Variants in MUC4 observed in about 807,000 individuals in gnomAD.
The protein encoded by MUC4 is mucin-4.
MUC4 carries 202 observed loss-of-function variants against 257.9 expected under a neutral mutation model. The observed-to-expected ratio is 0.78, with a 90% CI of 0.70 to 0.88. MUC4 has a LOEUF of 0.88. MUC4 is among the 40% of genes least tolerant of loss of function. The pLI is 0.00. For synonymous variants in MUC4, 2,351 were observed against 2,757.1 expected (o/e 0.85, Z 4.62); for missense variants, 5,976 against 6,513.7 (o/e 0.92, Z 2.84).
chr3:195,767,741 ACCATCGC>A, intron 7 of MUC4, among the ~76,000 whole-genome samples: 1 of 70,514 alleles, frequency 1.4e-5, no homozygotes, highest in African/African-American at 8.2e-5. Context: ...CACCACCATC[ACCATCGC>A]CACCACCACC....
At chr3:195,793,718 T>C (rs757116919) in intron 1 of MUC4, among the ~76,000 whole-genome samples, 2 of 152,168 alleles carry the variant, frequency 1.3e-5, no homozygotes, top group Non-Finnish European at 2.9e-5. Context: ...TTAAACTCCA[T>C]GGGAAGAGGC....
chr3:195,769,799 C>T (rs1233685277), intron 6 of MUC4: 3 of 173,664 alleles, frequency 1.7e-5, no homozygotes, highest in Non-Finnish European at 3.6e-5. Flanking sequence ...AAGCTCCACT[C>T]AGGCCTGGCT....
chr3:195,765,083 G>A lies in MUC4; in HGVS notation c.13838C>T (p.Thr4613Ile). ...GCAGCACACGCCTCCTCGCCAAGAG[G>A]TGAAGCTGCACAGCTGCCTACTGCC... is the stretch of plus-strand genomic sequence containing the variant. Reference protein sequence around the residue: ...GLGSRQLCSFTSWRGGVCCSY... With the variant: ...GLGSRQLCSFISWRGGVCCSY... The change falls in exon 10 of 25, where the codon ACC becomes ATC. Residue 4613 changes from threonine (T) to isoleucine (I), a missense_variant. Physicochemically the swap from Thr to Ile is moderately conservative, Grantham distance 89 (BLOSUM62 -1). Around this residue, in one of 44 missense-constraint regions of MUC4, gnomAD observed 996 missense variants for 1,137.3 expected, o/e 0.88. Transcript: ENST00000463781. 6.2e-7 allele frequency: 1 copy of A among 1,613,782 alleles called. No homozygotes were observed. Among genetic ancestry groups the A allele is most frequent in the Non-Finnish European group, 8.5e-7 (1 of 1,179,870 alleles).
chr3:195,754,947 T>TGTGTGTATCC lies in MUC4; in HGVS notation c.15169-576_15169-575insGGATACACAC, dbSNP rs1560227710. ...ATGCATGTATCCATGTATGTATCCA[T>TGTGTGTATCC]ATGTGTGTATCCATGTGTGTATGTA... is the stretch of plus-strand genomic sequence containing the variant. On this transcript the variant is annotated intron_variant, in intron 18 of 24. Transcript: ENST00000463781. 4.6e-5 allele frequency among the ~76,000 whole-genome samples: 7 copies of TGTGTGTATCC among 152,024 alleles called. No individual in the cohort carries two copies. In the East Asian group the frequency reaches 5.8e-4, roughly 13 times the overall value.
In MUC4 at chr3:195,788,722, T is replaced by G. The variant is rs1400353547; in HGVS notation, c.2858A>C (p.Glu953Ala). The part of the protein sequence containing the change: ...TSTGLTSPQT[E>A]THTLSPSGSG... ...CCCTGAAGGTGACAGAGTGTGGGTC[T>G]CGGTTTGTGGAGATGTAAGCCCAGT... Residue 953 changes from glutamate to alanine, a missense_variant, in exon 2 of 25, where the codon GAG becomes GCG. Glu to Ala is a moderately radical substitution (Grantham distance 107, BLOSUM62 -1). Coordinates refer to ENST00000463781, the MANE Select transcript of MUC4 (RefSeq NM_018406.7). The G allele has an allele frequency of 1.2e-6, 2 of 1,613,330 alleles. No homozygotes were observed. Among genetic ancestry groups the G allele is most frequent in the Non-Finnish European group, 1.7e-6 (2 of 1,179,756 alleles).
chr3:195,781,406 G>T lies in MUC4; in HGVS notation c.10174C>A (p.Pro3392Thr), dbSNP rs761575788. 8 of 1,528,338 alleles carry T rather than the reference G, an allele frequency of 5.2e-6. No individual in the cohort carries two copies. The highest frequency in any genetic ancestry group is 2.4e-5 in the East Asian group (1 of 41,476). The allele number at this position is 1,528,338 out of a possible 1,614,324, so 94.7% of individuals were successfully genotyped here. The change falls in exon 2 of 25, where the codon CCT becomes ACT. Residue 3392 changes from proline to threonine, a missense_variant. By Grantham distance (38) the Pro-to-Thr change is conservative. Transcript: ENST00000463781. ...ISSASTGQAT[P>T]LPVTNTSSVS... is the part of the protein sequence containing the mutation. ...GAGGAAGTGTTGGTGACAGGAAGAG[G>T]GGTGGCCTGACCTGTGGATGCCGAG...
At position 195,789,320 on chromosome 3, in the gene MUC4, G is replaced by A. The variant is rs781420773; in HGVS notation, c.2260C>T (p.Gln754Ter). ...VVSTPGGPEG[Q>*]WTSASASTSP... ...GTGCTGGCAGAGGCTGATGTCCATT[G>A]TCCTTCTGGGCCCCCTGGTGTTGAC... The change falls in exon 2 of 25, where the codon CAA becomes TAA. Residue 754 changes from glutamine (Q) to a stop codon, truncating the protein, a stop_gained. Transcript: ENST00000463781. LOFTEE classifies it high-confidence loss of function. 1 of 1,613,920 alleles carries A rather than the reference G, an allele frequency of 6.2e-7. No homozygotes were observed. Among genetic ancestry groups the A allele is most frequent in the Non-Finnish European group, 8.5e-7 (1 of 1,179,858 alleles).
rs761695169 is a variant in MUC4 at position 195,765,111 on chromosome 3, G to A, written c.13810C>T (p.Leu4604Phe). 3.1e-6 allele frequency: 5 copies of A among 1,612,692 alleles called. No individual in the cohort carries two copies. In the African/African-American group the frequency reaches 6.7e-5, roughly 22 times the overall value. ...AAGCTGCACAGCTGCCTACTGCCGA[G>A]GCCCCAGCGACCTGAAACAAGTCCA... is the stretch of plus-strand genomic sequence containing the variant. ...FQPVSIGRWG[L>F]GSRQLCSFTS... Residue 4604 changes from leucine to phenylalanine, a missense_variant, in exon 10 of 25, where the codon CTC becomes TTC. Transcript: ENST00000463781.
rs151158629 is a variant in MUC4 at position 195,811,749 on chromosome 3, C to T, written c.69G>A (p.Pro23=). 1.9e-5 allele frequency: 30 copies of T among 1,614,002 alleles called. No individual in the cohort carries two copies. Among genetic ancestry groups the T allele is most frequent in the South Asian group, 1.3e-4 (12 of 91,074 alleles). Residue 23 remains proline, a synonymous_variant, in exon 1 of 25, where the codon CCG becomes CCA. Transcript: ENST00000463781. ...TCCATCACTTACCTGGGACCACATG[C>T]GGAAGGAGGCAGAGACACAGGCAGC... The part of the protein sequence containing the change: ...SLSCLCLCLL[P]HVVPGTTEDT...
Position 195,786,957 on chromosome 3 carries a change from G to T in MUC4, c.4623C>A (p.Ser1541Arg), listed in dbSNP as rs778722332. The change falls in exon 2 of 25, where the codon AGC becomes AGA. Residue 1541 changes from serine to arginine, a missense_variant. Physicochemically the swap from Ser to Arg is moderately radical, Grantham distance 110. This residue lies in a region of MUC4 where 63 missense variants were observed against 68.8 expected (regional missense o/e 0.92). Coordinates refer to ENST00000463781, the MANE Select transcript of MUC4 (RefSeq NM_018406.7). ...TGTCACCTGTGGATGCTGAGGAAGG[G>T]CTAGTGACAGGAAGAGGCATGGTGT... ...TGDTMPLPVT[S>R]PSSASTGDTT... is the part of the protein sequence containing the mutation. 2 of 940,914 alleles carry T rather than the reference G, an allele frequency of 2.1e-6. 1 individual carries two copies. Among genetic ancestry groups the T allele is most frequent in the African/African-American group, 3.5e-5 (2 of 57,850 alleles). The allele number at this position is 940,914 out of a possible 1,614,324, so 58.3% of individuals were successfully genotyped here.
At chr3:195,796,495 G>A (rs1451397369) in intron 1 of MUC4, among the ~76,000 whole-genome samples, 1 of 151,524 alleles carries the variant, frequency 6.6e-6, no homozygotes, top group Non-Finnish European at 1.5e-5. Context: ...GGCGGATCAT[G>A]AGGTCAGGAG....
intron 7 of MUC4, 25 bp from the exon 8 acceptor site, chr3:195,766,776 G>A: frequency 6.2e-7 from 1 of 1,606,902 alleles, no homozygotes; most frequent in Non-Finnish European, 8.5e-7. Context: ...AGACTCTCAG[G>A]CCTCTGCCGT....
chr3:195,789,745 G>A lies in MUC4; in HGVS notation c.1835C>T (p.Thr612Met), dbSNP rs192332103. Reference sequence around the variant, plus strand: ...TGTTGAATGATTTGTTGATGGTGCCGTTGTAATTTGTTGGGATGTGTGTCT... The same window carrying A: ...TGTTGAATGATTTGTTGATGGTGCCATTGTAATTTGTTGGGATGTGTGTCT... ...LDRHTSQQIT[T>M]APSTNHSTIH... is the part of the protein sequence containing the mutation. Residue 612 changes from threonine to methionine, a missense_variant, in exon 2 of 25, where the codon ACG (threonine) becomes ATG (methionine). Thr to Met is a moderately conservative substitution (Grantham distance 81). Transcript: ENST00000463781. 1.0e-4 allele frequency: 162 copies of A among 1,613,950 alleles called. No individual in the cohort carries two copies. The highest frequency in any genetic ancestry group is 1.2e-4 in the Admixed American group (7 of 60,028).
In MUC4 at chr3:195,774,228, G is replaced by A. The variant is rs1349070193; in HGVS notation, c.13021C>T (p.Leu4341Phe). 1.2e-6 allele frequency: 2 copies of A among 1,607,858 alleles called. No homozygotes were observed. The highest frequency in any genetic ancestry group is 1.7e-5 in the Admixed American group (1 of 59,238). Reference protein sequence around the residue: ...VRRTVDFTSPLFKPATGFPLG... With the variant: ...VRRTVDFTSPFFKPATGFPLG... ...GGGAAGCCAGTCGCCGGCTTGAAGA[G>A]TGGGGAGGTGAAGTCCACGGTCCTC... is the stretch of plus-strand genomic sequence containing the variant. Residue 4341 changes from leucine (L) to phenylalanine (F), a missense_variant, in exon 4 of 25, where the codon CTC becomes TTC. This residue lies in a region of MUC4 where 233 missense variants were observed against 171.2 expected (regional missense o/e 1.36). Coordinates refer to ENST00000463781, the MANE Select transcript of MUC4 (RefSeq NM_018406.7).
chr3:195,789,173 C>G lies in MUC4; in HGVS notation c.2407G>C (p.Ala803Pro). The G allele has an allele frequency of 6.2e-7, 1 of 1,613,848 alleles. No homozygotes were observed. Among genetic ancestry groups the G allele is most frequent in the Non-Finnish European group, 8.5e-7 (1 of 1,179,854 alleles). ...CTCGCCCCGGATGAGGAAGGGGTAG[C>G]TGTGCCCGCTGAGGTGGTTCGTGAC... ...SGSRTTSAGT[A>P]TPSSSGASGT... Residue 803 changes from alanine (A) to proline (P), a missense_variant, in exon 2 of 25, where the codon GCT becomes CCT. Ala to Pro is a conservative substitution (Grantham distance 27). Transcript: ENST00000463781.
rs777058750 is a variant in MUC4 at position 195,783,894 on chromosome 3, A to T, written c.7686T>A (p.Pro2562=). ...SASTGHATSL[P]VTDTSAASTG... is the part of the protein sequence containing the mutation. The stretch of plus-strand genomic sequence containing the variant: ...TGGATGCTGCGGAAGTGTCGGTGAC[A>T]GGAAGAGAGGTGGCGTGACCTGTGG... Residue 2562 remains proline, a synonymous_variant, in exon 2 of 25, where the codon CCT becomes CCA. Transcript: ENST00000463781. The T allele has an allele frequency of 2.0e-6, 3 of 1,510,162 alleles. No individual in the cohort carries two copies. The highest frequency in any genetic ancestry group is 2.4e-5 in the South Asian group (2 of 82,210). The allele number at this position is 1,510,162 out of a possible 1,614,324, so 93.5% of individuals were successfully genotyped here.
rs376190711 is a variant in MUC4 at position 195,751,068 on chromosome 3, A to G, written c.15692T>C (p.Met5231Thr). 4 of 1,598,194 alleles carry G rather than the reference A, an allele frequency of 2.5e-6. No individual in the cohort carries two copies. Among genetic ancestry groups the G allele is most frequent in the Non-Finnish European group, 3.4e-6 (4 of 1,172,534 alleles). Residue 5231 changes from methionine to threonine, a missense_variant, in exon 23 of 25, where the codon ATG becomes ACG. Physicochemically the swap from Met to Thr is moderately conservative, Grantham distance 81. Around this residue, in one of 44 missense-constraint regions of MUC4, gnomAD observed 996 missense variants for 1,137.3 expected, o/e 0.88. Transcript: ENST00000463781. Reference protein sequence around the residue: ...PASGSPIQHWMVISEFQYRPR... With the variant: ...PASGSPIQHWTVISEFQYRPR... ...GCGGTACTGGAACTCCGAGATGACC[A>G]TCCAGTGTTGGATGGGGCTTCCCGA...
rs1736497337 is a variant in MUC4 at position 195,810,054 on chromosome 3, T to G, written c.82+1682A>C. The G allele has an allele frequency of 1.3e-5, 2 of 150,986 alleles. No individual in the cohort carries two copies. Among genetic ancestry groups the G allele is most frequent in the Admixed American group, 1.3e-4 (2 of 15,184 alleles). 9.4% of individuals were successfully genotyped at this position (150,986 alleles called of 1,614,324 possible). ...AGGGCAGGGCCGTGTGGCGGCTCCT[T>G]CCGGCCTCCACGTCCTCACGGTGGG... On this transcript the variant is annotated intron_variant, in intron 1 of 24. Coordinates refer to ENST00000463781, the MANE Select transcript of MUC4 (RefSeq NM_018406.7). The surrounding 1 kb of genome is among the most constrained non-coding windows in gnomAD (Gnocchi z 4.2).
intron 16 of MUC4, 69 bp downstream of exon 16, chr3:195,760,815 G>T: frequency 1.5e-6 from 2 of 1,298,068 alleles, no homozygotes; most frequent in Non-Finnish European, 2.2e-6. Context: ...GAAAAGCAGG[G>T]TCAGGCAAGG....
Sources: gnomAD v4.1 joint callset for allele counts (sites outside exome capture counted in the v4.1 genomes callset) on GRCh38, gnomAD v4.1.1 for gene constraint, gnomAD v4.1.1 regional missense constraint, Gnocchi (gnomAD v3.1) non-coding constraint, MANE v1.5 for transcripts, NCBI Gene and HGNC (gene_info 2026-07-23, HGNC 2026-07-21) for gene names.